The following EXOC6 variants were observed in gnomAD, a reference collection of about 807,000 sequenced individuals.
EXOC6 encodes SEC15-like 1.
In EXOC6, 60 loss-of-function variants were observed where a neutral mutation model predicts 112.5. The ratio of observed to expected loss-of-function variants is 0.53; its 90% CI spans 0.43 to 0.66. EXOC6 has a LOEUF of 0.66. Among genes scored for constraint, EXOC6 ranks in the 30% least tolerant of loss-of-function variants. EXOC6 has a pLI of 0.00. For missense variants in EXOC6, 855 were observed against 957.1 expected (o/e 0.89, Z 1.41); for synonymous variants, 295 against 308.0 (o/e 0.96, Z 0.44).
rs770324583 is a variant in EXOC6 at position 92,974,192 on chromosome 10, A to T, written c.1913A>T (p.Asn638Ile). The change falls in exon 18 of 22, where the codon AAT becomes ATT. Residue 638 changes from asparagine to isoleucine, a missense_variant. By Grantham distance (149) the Asn-to-Ile change is moderately radical. Coordinates refer to ENST00000260762, the MANE Select transcript of EXOC6 (RefSeq NM_019053.6). ...AGTGGTTATTTAATGGACCTTATAA[A>T]TTTTTTGAGAAGCATCTTTCAAGTG... is the stretch of plus-strand genomic sequence containing the variant. ...RASGYLMDLI[N>I]FLRSIFQVFT... 3 of 1,578,690 alleles carry T rather than the reference A, an allele frequency of 1.9e-6. No homozygotes were observed. Among genetic ancestry groups the T allele is most frequent in the Non-Finnish European group, 2.6e-6 (3 of 1,171,594 alleles).
In EXOC6 at chr10:92,839,836, G is replaced by A. The variant is rs536685926; in HGVS notation, c.86+5012G>A. ...TGCAAAGTTAGTGGGAGGTAGAAAG[G>A]TGGGGGGCTGTGGGGCGGGGGTGGA... is the stretch of plus-strand genomic sequence containing the variant. On this transcript the variant is annotated intron_variant, in intron 1 of 21. Coordinates refer to the EXOC6 transcript ENST00000371552. Among the ~76,000 whole-genome samples the A allele has an allele frequency of 2.4e-4, 37 of 152,096 alleles. 2 individuals are homozygous for A. In the South Asian group the frequency reaches 7.1e-3, roughly 29 times the overall value.
chr10:92,912,397 A>AG (rs774387062), intron 6 of EXOC6, among the ~76,000 whole-genome samples: 17 of 152,054 alleles, frequency 1.1e-4, no homozygotes, highest in Non-Finnish European at 2.2e-4. Flanking sequence ...AGCTGGGTCC[A>AG]GGGGGGTCAC....
intron 20 of EXOC6, among the ~76,000 whole-genome samples, chr10:93,034,747 A>G (rs577758570): frequency 6.6e-6 from 1 of 152,350 alleles, no homozygotes; most frequent in Non-Finnish European, 1.5e-5. Flanking sequence ...GCACTTTTAA[A>G]TAACAATTAT....
At chr10:92,993,029 A>G (rs1250099003) in intron 18 of EXOC6, among the ~76,000 whole-genome samples, 2 of 152,016 alleles carry the variant, frequency 1.3e-5, no homozygotes, top group Non-Finnish European at 2.9e-5. Context: ...GTGAGTTTGT[A>G]TAAAATGATA....
At chr10:92,918,524 C>T (rs1851246259) in intron 7 of EXOC6, among the ~76,000 whole-genome samples, 1 of 151,928 alleles carries the variant, frequency 6.6e-6, no homozygotes, top group South Asian at 2.1e-4. Flanking sequence ...AAATGCTCCT[C>T]CTGCTTCAGC....
At chr10:93,051,913 C>T (rs1359909352) in intron 20 of EXOC6, among the ~76,000 whole-genome samples, 1 of 152,142 alleles carries the variant, frequency 6.6e-6, no homozygotes, top group East Asian at 1.9e-4. Context: ...ATCTGCAAAG[C>T]AACTCTGAGG....
chr10:92,987,299 T>G (rs1258551309), intron 18 of EXOC6, among the ~76,000 whole-genome samples: 2 of 152,216 alleles, frequency 1.3e-5, no homozygotes, highest in Admixed American at 1.3e-4. Flanking sequence ...GTTCTAAATT[T>G]GCTTATTCAG....
At chr10:93,013,856 C>T (rs2134235252) in intron 19 of EXOC6, among the ~76,000 whole-genome samples, 1 of 152,270 alleles carries the variant, frequency 6.6e-6, no homozygotes, top group Middle Eastern at 3.4e-3. Flanking sequence ...AATGCTTCTA[C>T]AATCGTTCAC....
chr10:93,014,015 T>A (rs9420602), intron 19 of EXOC6, among the ~76,000 whole-genome samples, 179 bp from the exon 20 acceptor site: 1,580 of 152,274 alleles, frequency 0.01, 29 homozygotes, highest in African/African-American at 0.036. Context: ...ACACTTGAGG[T>A]AATGGATGTG....
At chr10:92,835,198 G>A (rs947197894) in intron 1 of EXOC6, among the ~76,000 whole-genome samples, 1 of 152,166 alleles carries the variant, frequency 6.6e-6, no homozygotes, top group South Asian at 2.1e-4. Flanking sequence ...GGGTGGATAT[G>A]AGTCATAGGA....
At chr10:93,053,405 T>G (rs1300575034) in intron 20 of EXOC6, among the ~76,000 whole-genome samples, 1 of 152,232 alleles carries the variant, frequency 6.6e-6, no homozygotes, top group Non-Finnish European at 1.5e-5. Context: ...AAAAATGACC[T>G]TATAATTGTT....
chr10:92,870,007 A>C (rs1848369581), intron 1 of EXOC6, among the ~76,000 whole-genome samples: 1 of 136,014 alleles, frequency 7.4e-6, no homozygotes. Context: ...GCTGGAGTGC[A>C]GTGGTGCGAT....
chr10:92,850,547 A>G (rs1366091949), intron 1 of EXOC6, among the ~76,000 whole-genome samples: 2 of 152,196 alleles, frequency 1.3e-5, no homozygotes, highest in Non-Finnish European at 2.9e-5. Context: ...TGAAGTGTTA[A>G]TATTGCATTT....
intron 20 of EXOC6, among the ~76,000 whole-genome samples, chr10:93,037,584 C>T (rs1845569111): frequency 6.7e-6 from 1 of 148,172 alleles, no homozygotes; most frequent in South Asian, 2.2e-4. Context: ...GGATTACAGG[C>T]ACGTGCCACC....
chr10:92,886,332 C>T (rs1307231314), intron 1 of EXOC6, among the ~76,000 whole-genome samples: 1 of 152,160 alleles, frequency 6.6e-6, no homozygotes, highest in African/African-American at 2.4e-5. Context: ...CTTTTTGCTC[C>T]TCCTTATTTT....
At chr10:92,977,279 A>AT (rs1842660764) in intron 18 of EXOC6, among the ~76,000 whole-genome samples, 1 of 151,856 alleles carries the variant, frequency 6.6e-6, no homozygotes, top group African/African-American at 2.4e-5. Flanking sequence ...GGAAAAAAAA[A>AT]GGTAATTTTC....
intron 18 of EXOC6, among the ~76,000 whole-genome samples, chr10:92,993,882 G>A (rs980161280): frequency 6.6e-6 from 1 of 152,170 alleles, no homozygotes; most frequent in South Asian, 2.1e-4. Context: ...GAGTGGCTGT[G>A]TTCCACAAAC....
chr10:92,872,267 G>A (rs1476922372), intron 1 of EXOC6, among the ~76,000 whole-genome samples: 1 of 151,786 alleles, frequency 6.6e-6, no homozygotes, highest in Non-Finnish European at 1.5e-5. Flanking sequence ...TTTATATTAT[G>A]TGTTTTTTAT....
chr10:92,899,836 C>A (rs993051715), intron 5 of EXOC6, 192 bp downstream of exon 5: 11 of 467,984 alleles, frequency 2.4e-5, no homozygotes, highest in Non-Finnish European at 4.2e-5. Flanking sequence ...AAATCATTGT[C>A]CTTTATAAAT....
Sources: gnomAD v4.1 joint callset for allele counts (sites outside exome capture counted in the v4.1 genomes callset) on GRCh38, gnomAD v4.1.1 for gene constraint, MANE v1.5 for transcripts, NCBI Gene and HGNC (gene_info 2026-07-23, HGNC 2026-07-21) for gene names.